Variants in SPAG16 observed in about 807,000 individuals in gnomAD.
SPAG16 encodes the protein sperm associated antigen 16.
A neutral mutation model predicts 80.4 loss-of-function variants in SPAG16; 86 were observed. The ratio of observed to expected loss-of-function variants is 1.07; its 90% CI spans 0.90 to 1.28. SPAG16 has a LOEUF of 1.28. SPAG16 is among the 50% of genes most tolerant of loss of function. The pLI is 0.00. For missense variants in SPAG16, 870 were observed against 765.3 expected, an observed-to-expected ratio of 1.14 and a Z score of -1.61; for synonymous variants, 294 against 265.9, an observed-to-expected ratio of 1.11 and a Z score of -1.03.
At chr2:213,952,877 C>G (rs1460394790) in intron 12 of SPAG16, among the ~76,000 whole-genome samples, 1 of 152,098 alleles carries the variant, frequency 6.6e-6, no homozygotes, top group Non-Finnish European at 1.5e-5. Flanking sequence ...GCTTCATTCT[C>G]ATTTCTTATG....
At position 214,410,342 on chromosome 2, in the gene SPAG16, C is replaced by T; in HGVS notation, c.*27C>T. 2 of 1,567,396 alleles carry T rather than the reference C, an allele frequency of 1.3e-6. No homozygotes were observed. The highest frequency in any genetic ancestry group is 1.7e-4 in the Middle Eastern group (1 of 5,740). ...CGTCAGCACATCCCGCTGCAGAGGG[C>T]ATTCCCTTTAAGGCTTGAAAATGCC... On this transcript the variant is annotated 3_prime_UTR_variant, in exon 16 of 16. Transcript: ENST00000331683.
Position 214,048,277 on chromosome 2 carries a change from A to G in SPAG16, c.1527+34200A>G, listed in dbSNP as rs149565528. On this transcript the variant is annotated intron_variant, in intron 13 of 15. Coordinates refer to ENST00000331683, the MANE Select transcript of SPAG16 (RefSeq NM_024532.5). ...TGCAGCACTATTCATGATAGCCAAG[A>G]TTTGGAAGCAACCTAAGTGCCCATC... 3.9e-5 allele frequency among the ~76,000 whole-genome samples: 6 copies of G among 152,278 alleles called. No homozygotes were observed. The East Asian group carries it at 1.2e-3, about 29-fold the overall frequency.
intron 13 of SPAG16, 104 bp from the exon 14 acceptor site, chr2:214,108,092 G>A (rs1260318439): frequency 2.6e-6 from 2 of 777,604 alleles, no homozygotes; most frequent in Non-Finnish European, 4.2e-6. Flanking sequence ...ATTAATTCTG[G>A]GAGGAGGGGC....
At chr2:213,889,977 G>T (rs986324781) in intron 11 of SPAG16, among the ~76,000 whole-genome samples, 10 of 151,942 alleles carry the variant, frequency 6.6e-5, no homozygotes, top group Admixed American at 2.0e-4. Flanking sequence ...TTTACAGTGT[G>T]TAAGGTGGTA....
At chr2:213,796,413 T>C (rs1257729386) in intron 10 of SPAG16, among the ~76,000 whole-genome samples, 2 of 152,224 alleles carry the variant, frequency 1.3e-5, no homozygotes. Flanking sequence ...ATGTCTGAAT[T>C]ATTTCATTGA....
intron 10 of SPAG16, among the ~76,000 whole-genome samples, chr2:213,810,330 G>A (rs745946844): frequency 6.6e-6 from 1 of 152,142 alleles, no homozygotes; most frequent in Non-Finnish European, 1.5e-5. Flanking sequence ...TATAGTGGGA[G>A]TTCTGATGGA....
intron 9 of SPAG16, among the ~76,000 whole-genome samples, chr2:213,470,293 C>T (rs1404661750): frequency 6.6e-6 from 1 of 152,150 alleles, no homozygotes; most frequent in East Asian, 1.9e-4. Flanking sequence ...AGCATGATCC[C>T]ACTGCCCCAC....
chr2:213,792,453 G>A (rs1037172626), intron 10 of SPAG16, among the ~76,000 whole-genome samples: 2 of 151,628 alleles, frequency 1.3e-5, no homozygotes, highest in African/African-American at 2.4e-5. Flanking sequence ...TTTCATGTCA[G>A]TTCAATTTCC....
rs1388802144 is a variant in SPAG16, at chr2:213,760,377, C to G, written c.1071-102108C>G. Among the ~76,000 whole-genome samples, 3 of 151,702 alleles carry G rather than the reference C, an allele frequency of 2.0e-5. No homozygotes were observed. The East Asian group carries it at 5.8e-4, about 29-fold the overall frequency. On this transcript the variant is annotated intron_variant, in intron 10 of 15. Transcript: ENST00000331683. ...GGTTTAATACAGTAAGAAGTTATAACAAGTATAAACATTTATGAACCTAGT... is the reference window on the plus strand; with the variant it reads ...GGTTTAATACAGTAAGAAGTTATAAGAAGTATAAACATTTATGAACCTAGT...
chr2:213,643,731 G>C (rs1345308563), intron 10 of SPAG16, among the ~76,000 whole-genome samples: 1 of 122,680 alleles, frequency 8.2e-6, no homozygotes, highest in Non-Finnish European at 1.7e-5. Context: ...TTACGATTGT[G>C]TGTTTTCAAA....
At chr2:214,315,172 A>G (rs34119801) in intron 15 of SPAG16, among the ~76,000 whole-genome samples, 1 of 152,114 alleles carries the variant, frequency 6.6e-6, no homozygotes, top group South Asian at 2.1e-4. Context: ...GCAGTCAGGG[A>G]ACAGGAAGAC....
chr2:213,947,878 T>G (rs561769734), intron 12 of SPAG16, among the ~76,000 whole-genome samples: 1 of 152,240 alleles, frequency 6.6e-6, no homozygotes, highest in South Asian at 2.1e-4. Flanking sequence ...ATAGTGTGAT[T>G]CCTTCAGCAA....
At chr2:213,375,880 T>A (rs957493748) in intron 9 of SPAG16, among the ~76,000 whole-genome samples, 1 of 151,202 alleles carries the variant, frequency 6.6e-6, no homozygotes, top group Non-Finnish European at 1.5e-5. Flanking sequence ...ATGCCAATAA[T>A]TTTTTTTCTC....
intron 15 of SPAG16, among the ~76,000 whole-genome samples, chr2:214,254,823 G>T (rs909102080): frequency 1.3e-5 from 2 of 151,894 alleles, no homozygotes; most frequent in Non-Finnish European, 2.9e-5. Context: ...ATTTTGAGAG[G>T]TATTTTTAAA....
chr2:213,775,943 A>G (rs1044241317), intron 10 of SPAG16, among the ~76,000 whole-genome samples: 1 of 152,266 alleles, frequency 6.6e-6, no homozygotes, highest in African/African-American at 2.4e-5. Context: ...CTAATAAATT[A>G]GCTCCAAATA....
intron 15 of SPAG16, among the ~76,000 whole-genome samples, chr2:214,175,559 C>T (rs920342085): frequency 6.6e-6 from 1 of 151,062 alleles, no homozygotes; most frequent in Admixed American, 6.6e-5. Flanking sequence ...TCTTGATTGA[C>T]AGTCCTCTAA....
chr2:213,800,358 CTCTCCCTCTCTCCCTT>C (rs2071317502), intron 10 of SPAG16, among the ~76,000 whole-genome samples: 2 of 139,898 alleles, frequency 1.4e-5, no homozygotes, highest in East Asian at 4.3e-4. Flanking sequence ...CTCTCTCCCT[CTCTCCCTCTCTCCCTT>C]TCTTCTTTTC....
At chr2:214,045,233 G>T (rs2049248420) in intron 13 of SPAG16, among the ~76,000 whole-genome samples, 1 of 152,182 alleles carries the variant, frequency 6.6e-6, no homozygotes, top group South Asian at 2.1e-4. Flanking sequence ...CGTAAGAGTT[G>T]TGAGACCTCC....
At position 214,188,749 on chromosome 2, in the gene SPAG16, T is replaced by C. The variant is rs934809095; in HGVS notation, c.1720+39483T>C. Among the ~76,000 whole-genome samples, 9 of 152,296 alleles carry C rather than the reference T, an allele frequency of 5.9e-5. No individual in the cohort carries two copies. In the East Asian group the frequency reaches 1.7e-3, roughly 29 times the overall value. On this transcript the variant is annotated intron_variant, in intron 15 of 15. Transcript: ENST00000331683. ...CTTTTGATATTACACTGAACTGCTA[T>C]TTTTCAAATTTGAAAATCTCTGTTA...
Sources: allele counts gnomAD v4.1 joint callset (sites outside exome capture counted in the v4.1 genomes callset), GRCh38; gene constraint gnomAD v4.1.1; transcripts MANE v1.5; gene names NCBI Gene and HGNC (gene_info 2026-07-23, HGNC 2026-07-21).